The following SPEF2 variants were observed in gnomAD, a reference collection of about 807,000 sequenced individuals.
SPEF2 encodes the protein sperm flagella and cilia-associated protein 2.
In SPEF2, 187 loss-of-function variants were observed where a neutral mutation model predicts 224.6. The ratio of observed to expected loss-of-function variants is 0.83; its 90% CI spans 0.74 to 0.94. The LOEUF is 0.94. Among genes scored for constraint, SPEF2 ranks in the 40% least tolerant of loss-of-function variants. The pLI, the probability that SPEF2 is intolerant of heterozygous loss-of-function variation, is 0.00. For synonymous variants in SPEF2, 715 were observed against 707.3 expected, an observed-to-expected ratio of 1.01 and a Z score of -0.17; for missense variants, 2,170 against 2,135.6, an observed-to-expected ratio of 1.02 and a Z score of -0.32.
intron 34 of SPEF2, among the ~76,000 whole-genome samples, chr5:35,805,779 T>G (rs1026504678): frequency 2.0e-5 from 3 of 152,186 alleles, no homozygotes; most frequent in African/African-American, 7.2e-5. Context: ...AGAATAGATA[T>G]ATAAGCAAAC....
intron 30 of SPEF2, among the ~76,000 whole-genome samples, chr5:35,781,884 G>C (rs1343292959): frequency 6.6e-6 from 1 of 152,054 alleles, no homozygotes; most frequent in Non-Finnish European, 1.5e-5. Context: ...TCTTATAGAG[G>C]GCAGGGAAAA....
rs147818994 is a variant in SPEF2 at position 35,781,965 on chromosome 5, G to A, written c.4447+2619G>A. Among the ~76,000 whole-genome samples the A allele has an allele frequency of 2.0e-5, 3 of 152,140 alleles. No homozygotes were observed. In the East Asian group the frequency reaches 5.8e-4, roughly 29 times the overall value. ...TCTCTACTGATACTCTTGAAATCAG[G>A]CTCCAAACATTGACAATGGCCCTGC... On this transcript the variant is annotated intron_variant, in intron 30 of 36. Transcript: ENST00000356031.
intron 26 of SPEF2, among the ~76,000 whole-genome samples, chr5:35,770,900 C>A (rs997127759): frequency 1.5e-4 from 23 of 152,060 alleles, no homozygotes; most frequent in Non-Finnish European, 1.0e-4. Flanking sequence ...AGCAGGGAAG[C>A]TAAGAACCTT....
intron 33 of SPEF2, among the ~76,000 whole-genome samples, chr5:35,797,933 C>A (rs1756909177): frequency 2.6e-5 from 4 of 152,160 alleles, no homozygotes; most frequent in Non-Finnish European, 1.5e-5. Flanking sequence ...TCAATGGCAA[C>A]CCTATCCTTC....
At chr5:35,793,811 G>A (rs1440890196) in intron 32 of SPEF2, among the ~76,000 whole-genome samples, 4 of 151,860 alleles carry the variant, frequency 2.6e-5, no homozygotes, top group Admixed American at 2.0e-4. Context: ...AGAGGGTGAT[G>A]AATGATGAGA....
chr5:35,647,387 A>G (rs1203066900), intron 5 of SPEF2, among the ~76,000 whole-genome samples: 1 of 152,012 alleles, frequency 6.6e-6, no homozygotes, highest in African/African-American at 2.4e-5. Flanking sequence ...ACCAGCTCTC[A>G]TGGGAATTGA....
At chr5:35,632,554 T>C (rs1336373437) in intron 2 of SPEF2, among the ~76,000 whole-genome samples, 2 of 152,196 alleles carry the variant, frequency 1.3e-5, no homozygotes, top group Admixed American at 6.5e-5. Flanking sequence ...AGCTTAACCA[T>C]ATCAGCTACT....
At chr5:35,674,337 C>CTTTTTTTTTTTT (rs35129181) in intron 10 of SPEF2, among the ~76,000 whole-genome samples, 25 of 94,448 alleles carry the variant, frequency 2.6e-4, no homozygotes, top group East Asian at 3.4e-4. Flanking sequence ...TTTTCGTCTT[C>CTTTTTTTTTTTT]TTTTTTTTTT....
At chr5:35,808,974 G>T (rs1008716663) in intron 36 of SPEF2, among the ~76,000 whole-genome samples, 3 of 151,604 alleles carry the variant, frequency 2.0e-5, no homozygotes, top group Non-Finnish European at 2.9e-5. Flanking sequence ...AAGAACACAG[G>T]CTCTGGAATC....
intron 21 of SPEF2, among the ~76,000 whole-genome samples, chr5:35,730,078 G>A (rs1198822787): frequency 6.6e-6 from 1 of 152,206 alleles, no homozygotes; most frequent in Admixed American, 6.5e-5. Flanking sequence ...AAATTTAACT[G>A]AGAATCCTGT....
In SPEF2 at chr5:35,714,680, T is replaced by TTA. The variant is rs373603694; in HGVS notation, c.2914+1795_2914+1796insAT. On this transcript the variant is annotated intron_variant, in intron 20 of 36. Coordinates refer to ENST00000356031, the MANE Select transcript of SPEF2 (RefSeq NM_024867.4). ...AGGTTGGTTTGTCTTTTGGGTTTAT[T>TTA]TTTATTTATTTATTTATTTATTTAT... Among the ~76,000 whole-genome samples, 62 of 134,562 alleles carry TTA rather than the reference T, an allele frequency of 4.6e-4. 1 individual carries two copies. The East Asian group carries it at 0.013, about 28-fold the overall frequency. The allele number at this position is 134,562 out of a possible 152,430, so 88.3% of individuals were successfully genotyped here.
chr5:35,691,206 T>G lies in SPEF2; in HGVS notation c.1694T>G (p.Leu565Trp). The G allele has an allele frequency of 6.2e-7, 1 of 1,614,036 alleles. No individual in the cohort carries two copies. Among genetic ancestry groups the G allele is most frequent in the Non-Finnish European group, 8.5e-7 (1 of 1,179,946 alleles). Residue 565 changes from leucine (L) to tryptophan (W), a missense_variant, in exon 11 of 37, where the codon TTG becomes TGG. Coordinates refer to ENST00000356031, the MANE Select transcript of SPEF2 (RefSeq NM_024867.4). ...LPSFAVKGCL[L>W]GKTLSGKTTI... ...TCATTTGCTGTTAAAGGATGCTTAT[T>G]GGGGAAAACATTAAGTGGAAAAACT... is the stretch of plus-strand genomic sequence containing the variant.
chr5:35,795,186 A>G (rs1756493826), intron 32 of SPEF2, among the ~76,000 whole-genome samples: 1 of 152,180 alleles, frequency 6.6e-6, no homozygotes, highest in Admixed American at 6.5e-5. Flanking sequence ...ATAAGAGGTC[A>G]CCGAGATCTT....
intron 2 of SPEF2, among the ~76,000 whole-genome samples, chr5:35,629,762 A>G (rs1041232569): frequency 2.6e-5 from 4 of 152,152 alleles, no homozygotes; most frequent in Non-Finnish European, 4.4e-5. Flanking sequence ...GGATTTGCCT[A>G]TTCTACACAT....
chr5:35,679,657 G>A lies in SPEF2; in HGVS notation c.1524+9430G>A, dbSNP rs184515717. 4.3e-4 allele frequency among the ~76,000 whole-genome samples: 66 copies of A among 152,298 alleles called. 1 individual carries two copies. In the East Asian group the frequency reaches 0.012, roughly 28 times the overall value. On this transcript the variant is annotated intron_variant, in intron 10 of 36. Coordinates refer to ENST00000356031, the MANE Select transcript of SPEF2 (RefSeq NM_024867.4). The stretch of plus-strand genomic sequence containing the variant: ...AACCAGGTCACAAACAGCTTCTGCT[G>A]TAGAGCAGATTGTACGTACCCATTG...
intron 30 of SPEF2, chr5:35,790,320 A>G (rs1029346952): frequency 1.7e-6 from 1 of 590,502 alleles, no homozygotes; most frequent in East Asian, 2.8e-5. Context: ...AACTGGTGAC[A>G]CAAGATCTAA....
In SPEF2 at chr5:35,709,058, A is replaced by T; in HGVS notation, c.2776A>T (p.Lys926Ter). 6.2e-7 allele frequency: 1 copy of T among 1,613,962 alleles called. No individual in the cohort carries two copies. Among genetic ancestry groups the T allele is most frequent in the East Asian group, 2.2e-5 (1 of 44,870 alleles). Reference protein sequence around the residue: ...PAPPPEPEKEKEIHQSHVASK... With the variant: ...PAPPPEPEKE ...TCCTCCTCCTGAACCAGAAAAAGAG[A>T]AGGAAATTCATCAAAGCCATGTGGC... Residue 926 changes from lysine (K) to a stop codon, truncating the protein, a stop_gained, in exon 19 of 37, where the codon AAG (lysine) becomes TAG (stop). Transcript: ENST00000356031. LOFTEE classifies it high-confidence loss of function.
At chr5:35,631,036 G>T (rs1745036475) in intron 2 of SPEF2, among the ~76,000 whole-genome samples, 1 of 152,184 alleles carries the variant, frequency 6.6e-6, no homozygotes, top group South Asian at 2.1e-4. Context: ...TTTTCACACT[G>T]CTGATAAAGA....
At chr5:35,792,793 C>T (rs1399095012) in intron 31 of SPEF2, among the ~76,000 whole-genome samples, 2 of 152,116 alleles carry the variant, frequency 1.3e-5, no homozygotes, top group Non-Finnish European at 2.9e-5. Context: ...TAAGAATGTT[C>T]AGAAAACAAA....
Sources: allele counts gnomAD v4.1 joint callset (sites outside exome capture counted in the v4.1 genomes callset), GRCh38; gene constraint gnomAD v4.1.1; transcripts MANE v1.5; gene names NCBI Gene and HGNC (gene_info 2026-07-23, HGNC 2026-07-21).